The following TST variants were observed in gnomAD, a reference collection of about 807,000 sequenced individuals.
TST encodes the protein epididymis secretory sperm binding protein.
TST carries 22 observed loss-of-function variants against 20.4 expected under a neutral mutation model. The ratio of observed to expected loss-of-function variants is 1.08; its 90% CI spans 0.77 to 1.54. The LOEUF is 1.54. TST is among the 40% of genes most tolerant of loss of function. TST has a pLI of 0.00. For synonymous variants in TST, 187 were observed against 173.8 expected (o/e 1.08, Z -0.60); for missense variants, 392 against 405.2 (o/e 0.97, Z 0.28).
chr22:37,018,302 T>G lies in TST; in HGVS notation c.431A>C (p.Glu144Ala), dbSNP rs749642312. ...GACGGCCGGTTCTGGGCGTGAGGGC[T>G]CGGATGTCACCGGGTGGCCCTCCTT... ...WLKEGHPVTS[E>A]PSRPEPAVFK... Residue 144 changes from glutamate (E) to alanine (A), a missense_variant, in exon 2 of 3, where the codon GAG becomes GCG. By Grantham distance (107) the Glu-to-Ala change is moderately radical. Transcript: ENST00000249042. The G allele has an allele frequency of 4.3e-5, 69 of 1,613,920 alleles. No homozygotes were observed. The highest frequency in any genetic ancestry group is 5.8e-5 in the Non-Finnish European group (68 of 1,180,028).
At chr22:37,015,397 CCT>C (rs1433592255) in intron 2 of TST, among the ~76,000 whole-genome samples, 1 of 152,226 alleles carries the variant, frequency 6.6e-6, no homozygotes, top group East Asian at 1.9e-4. Flanking sequence ...TCCTACTCTG[CCT>C]CTCTCACTTC....
At chr22:37,020,115 G>C, upstream of TST, 1 of 387,032 alleles carries the variant, frequency 2.6e-6, no homozygotes, top group Non-Finnish European at 4.6e-6. Flanking sequence ...TGGCACCAGA[G>C]AGGGCGGGGG....
At position 37,018,588 on chromosome 22, in the gene TST, G is replaced by C; in HGVS notation, c.145C>G (p.Leu49Val). The C allele has an allele frequency of 3.2e-6, 5 of 1,563,636 alleles. No homozygotes were observed. Among genetic ancestry groups the C allele is most frequent in the Non-Finnish European group, 4.3e-6 (5 of 1,154,394 alleles). ...PGTREARKEYLERHVPGASFF... is the reference protein window; with the variant it reads ...PGTREARKEYVERHVPGASFF... The stretch of plus-strand genomic sequence containing the variant: ...GAGGCGCCGGGTACGTGGCGCTCGA[G>C]GTACTCCTTGCGGGCCTCTCGGGTG... Residue 49 changes from leucine (L) to valine (V), a missense_variant, in exon 2 of 3, where the codon CTC (leucine) becomes GTC (valine). Coordinates refer to ENST00000249042, the MANE Select transcript of TST (RefSeq NM_003312.6).
Position 37,018,412 on chromosome 22 carries a change from G to T in TST, c.321C>A (p.Phe107Leu). The change falls in exon 2 of 3, where the codon TTC becomes TTA. Residue 107 changes from phenylalanine to leucine, a missense_variant. Transcript: ENST00000249042. ...VVYDGEHLGS[F>L]YAPRVWWMFR... ...ACATCCACCAGACCCGGGGAGCATAGAAGCTGCCCAGGTGTTCACCATCAT... is the reference window on the plus strand; with the variant it reads ...ACATCCACCAGACCCGGGGAGCATATAAGCTGCCCAGGTGTTCACCATCAT... 1 of 1,613,808 alleles carries T rather than the reference G, an allele frequency of 6.2e-7. No homozygotes were observed. The highest frequency in any genetic ancestry group is 1.1e-5 in the South Asian group (1 of 91,070).
chr22:37,016,313 A>G (rs1276368658), intron 2 of TST, among the ~76,000 whole-genome samples: 4 of 152,066 alleles, frequency 2.6e-5, no homozygotes, highest in Non-Finnish European at 5.9e-5. Context: ...TCATTTTATG[A>G]TAAGGAAACC....
chr22:37,015,629 T>G (rs1198331251), intron 2 of TST, among the ~76,000 whole-genome samples: 22 of 152,328 alleles, frequency 1.4e-4, no homozygotes, highest in Admixed American at 7.2e-4. Context: ...AAGCTCTGCT[T>G]CTCGCTCCAT....
At chr22:37,014,966 G>A (rs1922622155) in intron 2 of TST, among the ~76,000 whole-genome samples, 2 of 152,096 alleles carry the variant, frequency 1.3e-5, no homozygotes, top group Non-Finnish European at 2.9e-5. Flanking sequence ...CCAGCCCTGG[G>A]AGGGAGAGAT....
upstream of TST, chr22:37,019,753 T>A (rs1922903790): frequency 1.7e-6 from 1 of 585,442 alleles, no homozygotes; most frequent in African/African-American, 1.9e-5. Context: ...TGCCGGAGTC[T>A]CCTCCCTTTG....
rs1922788258 is a variant in TST, at chr22:37,018,406, A to G, written c.327T>C (p.Ala109=). Residue 109 remains alanine (A), a synonymous_variant, in exon 2 of 3, where the codon GCT becomes GCC. Coordinates refer to ENST00000249042, the MANE Select transcript of TST (RefSeq NM_003312.6). Reference sequence around the variant, plus strand: ...CACGGAACATCCACCAGACCCGGGGAGCATAGAAGCTGCCCAGGTGTTCAC... The same window carrying G: ...CACGGAACATCCACCAGACCCGGGGGGCATAGAAGCTGCCCAGGTGTTCAC... ...YDGEHLGSFY[A]PRVWWMFRVF... is the part of the protein sequence containing the mutation. The G allele has an allele frequency of 1.2e-6, 2 of 1,613,782 alleles. No individual in the cohort carries two copies. Among genetic ancestry groups the G allele is most frequent in the South Asian group, 2.2e-5 (2 of 91,082 alleles).
intron 2 of TST, among the ~76,000 whole-genome samples, chr22:37,015,048 C>A (rs1207987071): frequency 6.6e-6 from 1 of 152,156 alleles, no homozygotes; most frequent in African/African-American, 2.4e-5. Flanking sequence ...TTTCCCTCAG[C>A]CCCTGGGCTT....
At chr22:37,011,665 G>T (rs892966420) in intron 2 of TST, among the ~76,000 whole-genome samples, 4 of 152,132 alleles carry the variant, frequency 2.6e-5, no homozygotes, top group African/African-American at 4.8e-5. Context: ...CTGTAAAATG[G>T]GCTCAGTGGT....
At chr22:37,014,407 G>A (rs1393212786) in intron 2 of TST, among the ~76,000 whole-genome samples, 1 of 152,230 alleles carries the variant, frequency 6.6e-6, no homozygotes, top group Admixed American at 6.5e-5. Context: ...CAGCCAGTTG[G>A]TGGAAAGGCA....
At chr22:37,011,464 A>C in intron 2 of TST, 139 bp from the exon 3 acceptor site, 1 of 951,994 alleles carries the variant, frequency 1.1e-6, no homozygotes, top group East Asian at 2.7e-5. Flanking sequence ...CTTGGAGCTC[A>C]ATTTATTCCC....
At chr22:37,013,505 T>C (rs888116288) in intron 2 of TST, among the ~76,000 whole-genome samples, 2 of 151,368 alleles carry the variant, frequency 1.3e-5, no homozygotes, top group African/African-American at 4.9e-5. Context: ...CTTGACAGGC[T>C]GAGGTAGGAG....
chr22:37,016,446 A>G (rs923879192), intron 2 of TST, among the ~76,000 whole-genome samples: 1 of 152,076 alleles, frequency 6.6e-6, no homozygotes, highest in African/African-American at 2.4e-5. Context: ...ATTACAGAGG[A>G]GGAACTTCAG....
chr22:37,013,715 GC>G (rs1349337595), intron 2 of TST, among the ~76,000 whole-genome samples: 4 of 152,164 alleles, frequency 2.6e-5, no homozygotes, highest in Non-Finnish European at 4.4e-5. Context: ...TAAGATGTGT[GC>G]CCACCCTACC....
At chr22:37,016,571 C>T (rs568806488) in intron 2 of TST, among the ~76,000 whole-genome samples, 1 of 152,226 alleles carries the variant, frequency 6.6e-6, no homozygotes, top group Admixed American at 6.5e-5. Flanking sequence ...CCAAGCTGTC[C>T]CTTCCACTTA....
intron 2 of TST, among the ~76,000 whole-genome samples, chr22:37,014,505 C>T (rs75933939): frequency 0.029 from 4,377 of 152,340 alleles, 216 homozygotes; most frequent in African/African-American, 0.1. Flanking sequence ...GCAGGCATGC[C>T]CCCATTCCCA....
rs1244824712 is a variant in TST, at chr22:37,018,177, C to G, written c.556G>C (p.Gly186Arg). 1.3e-6 allele frequency: 2 copies of G among 1,597,408 alleles called. No homozygotes were observed. Among genetic ancestry groups the G allele is most frequent in the Non-Finnish European group, 1.7e-6 (2 of 1,169,986 alleles). Reference protein sequence around the residue: ...RFQLVDSRSQGRFLGTEPEPD... With the variant: ...RFQLVDSRSQRRFLGTEPEPD... ...TCCGGCTCGGTGCCCAGGAACCGCCCTTGAGACCTTGAATCCACCAGCTGG... is the reference window on the plus strand; with the variant it reads ...TCCGGCTCGGTGCCCAGGAACCGCCGTTGAGACCTTGAATCCACCAGCTGG... The change falls in exon 2 of 3, where the codon GGG becomes CGG. Residue 186 changes from glycine (G) to arginine (R), a missense_variant. Gly to Arg is a moderately radical substitution (Grantham distance 125). Transcript: ENST00000249042.
Sources: allele counts gnomAD v4.1 joint callset (sites outside exome capture counted in the v4.1 genomes callset), GRCh38; gene constraint gnomAD v4.1.1; transcripts MANE v1.5; gene names NCBI Gene and HGNC (gene_info 2026-07-23, HGNC 2026-07-21).